Variants in GRID2 observed in about 807,000 individuals in gnomAD.
GRID2 encodes glutamate receptor ionotropic, delta-2.
GRID2 carries 33 observed loss-of-function variants against 114.8 expected under a neutral mutation model. The observed-to-expected ratio is 0.29, with a 90% CI of 0.22 to 0.38. GRID2 has a LOEUF of 0.38. Ranked by LOEUF, GRID2 falls within the 10% of genes least tolerant of loss-of-function variation. The pLI is 1.00. For synonymous variants in GRID2, 505 were observed against 449.9 expected (o/e 1.12, Z -1.55); for missense variants, 1,184 against 1,257.7 (o/e 0.94, Z 0.89).
At chr4:92,533,182 G>GTTT (rs1331638804) in intron 1 of GRID2, among the ~76,000 whole-genome samples, 18 of 145,164 alleles carry the variant, frequency 1.2e-4, no homozygotes, top group Non-Finnish European at 2.0e-4. Context: ...CAACTTTGGT[G>GTTT]TGTTTTTTTG....
At chr4:92,954,211 A>C (rs1470818573) in intron 2 of GRID2, among the ~76,000 whole-genome samples, 1 of 152,118 alleles carries the variant, frequency 6.6e-6, no homozygotes, top group Non-Finnish European at 1.5e-5. Flanking sequence ...GTATATATGT[A>C]TACACACAAA....
chr4:93,074,378 C>T lies in GRID2; in HGVS notation c.245-10617C>T, dbSNP rs78020245. On this transcript the variant is annotated intron_variant, in intron 2 of 15. Coordinates refer to ENST00000282020, the MANE Select transcript of GRID2 (RefSeq NM_001510.4). ...GCAACAAAAATAGATTGAGCTATAT[C>T]CTAGATGTTAGAATTATCACAGTGA... is the stretch of plus-strand genomic sequence containing the variant. Among the ~76,000 whole-genome samples the T allele has an allele frequency of 5.9e-3, 904 of 152,176 alleles. 6 individuals are homozygous for T. The highest frequency in any genetic ancestry group is 9.0e-3 in the Non-Finnish European group (611 of 67,996).
intron 13 of GRID2, among the ~76,000 whole-genome samples, chr4:93,526,910 T>A (rs1283187663): frequency 1.3e-5 from 2 of 152,188 alleles, no homozygotes; most frequent in Non-Finnish European, 2.9e-5. Context: ...TTTGTTTAAT[T>A]TCCATTTTGA....
intron 2 of GRID2, among the ~76,000 whole-genome samples, chr4:92,615,667 A>C (rs1255890383): frequency 6.6e-6 from 1 of 151,556 alleles, no homozygotes; most frequent in East Asian, 1.9e-4. Flanking sequence ...TTTTATTGCT[A>C]TACCTCATCA....
chr4:93,589,597 T>A (rs1737954496), intron 13 of GRID2, among the ~76,000 whole-genome samples: 1 of 152,052 alleles, frequency 6.6e-6, no homozygotes. Context: ...CAAATGGTAT[T>A]TCTAGTTCTA....
At chr4:93,704,487 G>T (rs537016565) in intron 14 of GRID2, among the ~76,000 whole-genome samples, 2 of 152,168 alleles carry the variant, frequency 1.3e-5, no homozygotes, top group Admixed American at 1.3e-4. Context: ...CTGTGCAGAA[G>T]CTCTTTAGTT....
At chr4:92,576,298 C>T (rs1285881618) in intron 1 of GRID2, among the ~76,000 whole-genome samples, 2 of 152,188 alleles carry the variant, frequency 1.3e-5, no homozygotes, top group African/African-American at 4.8e-5. Flanking sequence ...ACCATTTGGA[C>T]TCTCCAAAAC....
In GRID2 at chr4:93,784,071, C is replaced by CAAAAA. The variant is rs70942993; in HGVS notation, c.221+14645_221+14649dup. On this transcript the variant is annotated intron_variant, in intron 1 of 1. Transcript: ENST00000637838. ...TGGGCGACAGAGCGAGACTCCGTCT[C>CAAAAA]AAAAAAAAAAAAAAAAAAAAAAAAA... 4.5e-3 allele frequency among the ~76,000 whole-genome samples: 177 copies of CAAAAA among 38,974 alleles called. 20 individuals are homozygous for CAAAAA. The highest frequency in any genetic ancestry group is 0.011 in the African/African-American group (95 of 8,312). The allele number at this position is 38,974 out of a possible 152,430, so 25.6% of individuals were successfully genotyped here.
chr4:92,565,325 A>C (rs1177759683), intron 1 of GRID2, among the ~76,000 whole-genome samples: 1 of 151,986 alleles, frequency 6.6e-6, no homozygotes, highest in Non-Finnish European at 1.5e-5. Context: ...GTGAATCAAC[A>C]CTGTCAATTC....
intron 1 of GRID2, among the ~76,000 whole-genome samples, chr4:92,397,665 GA>G (rs1222888301): frequency 2.0e-5 from 3 of 152,098 alleles, no homozygotes; most frequent in Non-Finnish European, 4.4e-5. Context: ...AATAATATCA[GA>G]AGTAGTAGAG....
intron 2 of GRID2, among the ~76,000 whole-genome samples, chr4:92,935,612 A>G (rs1215485974): frequency 6.8e-6 from 1 of 146,984 alleles, no homozygotes; most frequent in South Asian, 2.3e-4. Flanking sequence ...ACTATTCACA[A>G]CAGCAAAGAC....
intron 13 of GRID2, among the ~76,000 whole-genome samples, chr4:93,588,819 T>TG (rs1295832525): frequency 1.3e-5 from 2 of 152,144 alleles, no homozygotes; most frequent in Non-Finnish European, 2.9e-5. Context: ...TGGATTTTTT[T>TG]TATTTCTCTG....
chr4:92,534,510 G>T (rs1460261341), intron 1 of GRID2, among the ~76,000 whole-genome samples: 1 of 152,106 alleles, frequency 6.6e-6, no homozygotes, highest in Non-Finnish European at 1.5e-5. Context: ...TTTAAATACT[G>T]AACAAGTCAT....
Position 92,786,358 on chromosome 4 carries a change from G to A in GRID2, c.244+196072G>A, listed in dbSNP as rs550397019. Among the ~76,000 whole-genome samples the A allele has an allele frequency of 5.3e-5, 8 of 151,874 alleles. No homozygotes were observed. In the South Asian group the frequency reaches 1.7e-3, roughly 31 times the overall value. ...CAATATTTATCGTGATATCTGCTTT[G>A]AAAATGAGAGAGTTTGAATAATATT... On this transcript the variant is annotated intron_variant, in intron 2 of 15. Transcript: ENST00000282020.
intron 10 of GRID2, among the ~76,000 whole-genome samples, chr4:93,430,487 T>C (rs562229602): frequency 7.2e-5 from 11 of 152,356 alleles, no homozygotes; most frequent in African/African-American, 2.6e-4. Context: ...TGCCTATAAA[T>C]ATTTCAAAAC....
intron 2 of GRID2, among the ~76,000 whole-genome samples, chr4:92,663,154 T>A (rs1321798960): frequency 6.6e-6 from 1 of 151,070 alleles, no homozygotes; most frequent in Admixed American, 6.6e-5. Context: ...AGTGACTTGA[T>A]ACTCTAAAAA....
chr4:93,610,773 C>G (rs1740794718), intron 13 of GRID2, among the ~76,000 whole-genome samples: 1 of 56,460 alleles, frequency 1.8e-5, no homozygotes, highest in Non-Finnish European at 3.2e-5. Context: ...GTCTAAAATT[C>G]TCTTTTTTGG....
Position 93,181,187 on chromosome 4 carries a change from A to C in GRID2, c.736-26217A>C, listed in dbSNP as rs1739862069. On this transcript the variant is annotated intron_variant, in intron 4 of 15. Coordinates refer to ENST00000282020, the MANE Select transcript of GRID2 (RefSeq NM_001510.4). ...TATTAGCGGGCATGAAAACAACATT[A>C]ATCTCCTTGTACATCTCCATCAGAG... Among the ~76,000 whole-genome samples, 3 of 152,258 alleles carry C rather than the reference A, an allele frequency of 2.0e-5. No homozygotes were observed. In the South Asian group the frequency reaches 6.2e-4, roughly 32 times the overall value.
At chr4:93,188,749 A>G (rs1740680025) in intron 4 of GRID2, among the ~76,000 whole-genome samples, 2 of 152,148 alleles carry the variant, frequency 1.3e-5, no homozygotes, top group Non-Finnish European at 2.9e-5. Flanking sequence ...TAGAGAAGCC[A>G]TGCTACATCC....
Sources: gnomAD v4.1 joint callset for allele counts (sites outside exome capture counted in the v4.1 genomes callset) on GRCh38, gnomAD v4.1.1 for gene constraint, MANE v1.5 for transcripts, NCBI Gene and HGNC (gene_info 2026-07-23, HGNC 2026-07-21) for gene names.